Variants in TMEM263 observed in about 807,000 individuals in gnomAD.
The protein encoded by TMEM263 is transmembrane protein 263.
In TMEM263, 5 loss-of-function variants were observed where a neutral mutation model predicts 8.6. The observed-to-expected ratio is 0.58, with a 90% CI of 0.31 to 1.23. TMEM263 has a LOEUF of 1.23. Ranked by LOEUF, TMEM263 falls within the 50% of genes most tolerant of loss-of-function variation. The pLI, the probability that TMEM263 is intolerant of heterozygous loss-of-function variation, is 0.07. For synonymous variants in TMEM263, 50 were observed against 47.9 expected, an observed-to-expected ratio of 1.04 and a Z score of -0.18; for missense variants, 104 against 138.8, an observed-to-expected ratio of 0.75 and a Z score of 1.26.
chr12:106,959,170 C>T (rs1305211416), intron 2 of TMEM263: 1 of 152,162 alleles, frequency 6.6e-6, no homozygotes, highest in Non-Finnish European at 1.5e-5. Context: ...TCAGTGAGTT[C>T]AGGGCAGATA....
Position 106,971,086 on chromosome 12 carries a change from T to C in TMEM263, c.65-19T>C. ...TTGTGACTTATATTTGATTGTCTCA[T>C]GATATTTTCTCTCATTAGGTTCAAT... On this transcript the variant is annotated intron_variant, in intron 3 of 3. Coordinates refer to ENST00000280756, the MANE Select transcript of TMEM263 (RefSeq NM_152261.4). 6.2e-7 allele frequency: 1 copy of C among 1,611,666 alleles called. No individual in the cohort carries two copies. Among genetic ancestry groups the C allele is most frequent in the South Asian group, 1.1e-5 (1 of 90,820 alleles).
rs1951958595 is a variant in TMEM263 at position 106,973,629 on chromosome 12, G to A, written c.*2238G>A. On this transcript the variant is annotated 3_prime_UTR_variant, in exon 4 of 4. Transcript: ENST00000280756. ...ACAGTTAGTTATAGAGGTTCTTGTT[G>A]AAATGAACTTACCATCTGATGATAT... 1 of 152,402 alleles carries A rather than the reference G, an allele frequency of 6.6e-6. No individual in the cohort carries two copies. Among genetic ancestry groups the A allele is most frequent in the African/African-American group, 2.4e-5 (1 of 41,454 alleles). 9.4% of individuals were successfully genotyped at this position (152,402 alleles called of 1,614,324 possible).
intron 3 of TMEM263, among the ~76,000 whole-genome samples, chr12:106,968,720 T>A (rs1951877717): frequency 6.6e-6 from 1 of 152,178 alleles, no homozygotes; most frequent in African/African-American, 2.4e-5. Flanking sequence ...GCATTAATTA[T>A]TTATCTGACT....
intron 2 of TMEM263, among the ~76,000 whole-genome samples, chr12:106,958,476 C>T (rs1055401600): frequency 6.6e-6 from 1 of 152,160 alleles, no homozygotes; most frequent in African/African-American, 2.4e-5. Flanking sequence ...TATTTGCCAG[C>T]TGCTAAATCT....
intron 2 of TMEM263, among the ~76,000 whole-genome samples, chr12:106,962,932 G>A (rs1021226249): frequency 2.0e-5 from 3 of 152,186 alleles, no homozygotes; most frequent in East Asian, 1.9e-4. Flanking sequence ...CAAACCAAGC[G>A]TTTGTTCTCA....
chr12:106,969,860 T>G (rs913008745), intron 3 of TMEM263, among the ~76,000 whole-genome samples: 1 of 151,776 alleles, frequency 6.6e-6, no homozygotes, highest in Non-Finnish European at 1.5e-5. Flanking sequence ...TACATGCTAA[T>G]ATATGTGGCT....
rs1951960948 is a variant in TMEM263 at position 106,973,751 on chromosome 12, G to A, written c.*2360G>A. 6.6e-6 allele frequency: 1 copy of A among 152,600 alleles called. No individual in the cohort carries two copies. The highest frequency in any genetic ancestry group is 1.5e-5 in the Non-Finnish European group (1 of 68,022). 9.5% of individuals were successfully genotyped at this position (152,600 alleles called of 1,614,324 possible). ...GACTAGTTCAAGTCAAGAAACTAAG[G>A]TTGTTGTATACACCTGGAGGCATCT... is the stretch of plus-strand genomic sequence containing the variant. On this transcript the variant is annotated 3_prime_UTR_variant, in exon 4 of 4. Transcript: ENST00000280756.
rs570047478 is a variant in TMEM263 at position 106,971,048 on chromosome 12, C to A, written c.65-57C>A. 5.7e-6 allele frequency: 9 copies of A among 1,569,506 alleles called. No homozygotes were observed. The African/African-American group carries it at 1.1e-4, about 19-fold the overall frequency. ...TTAGGTTACTTAATGATGTGTACTG[C>A]TCTTTTAAAGACTTGTGACTTATAT... On this transcript the variant is annotated intron_variant, in intron 3 of 3. Coordinates refer to ENST00000280756, the MANE Select transcript of TMEM263 (RefSeq NM_152261.4).
At chr12:106,958,280 A>T (rs1412915725) in intron 2 of TMEM263, among the ~76,000 whole-genome samples, 1 of 152,128 alleles carries the variant, frequency 6.6e-6, no homozygotes, top group Admixed American at 6.5e-5. Context: ...CCAGAGGAAA[A>T]TTTATGTACT....
intron 3 of TMEM263, among the ~76,000 whole-genome samples, chr12:106,968,638 C>A (rs1408586619): frequency 6.6e-6 from 1 of 152,124 alleles, no homozygotes; most frequent in East Asian, 1.9e-4. Flanking sequence ...AACCACTAAA[C>A]AAGAGGAATC....
intron 1 of TMEM263, 118 bp downstream of exon 1, chr12:106,956,183 C>A: frequency 2.1e-6 from 1 of 481,762 alleles, no homozygotes; most frequent in Non-Finnish European, 2.7e-6. Flanking sequence ...GGCTGCCCAG[C>A]GGGGCCTTGG....
chr12:106,964,002 C>T (rs1465694766), intron 2 of TMEM263, among the ~76,000 whole-genome samples: 1 of 151,956 alleles, frequency 6.6e-6, no homozygotes, highest in Non-Finnish European at 1.5e-5. Flanking sequence ...GGGTATGGTA[C>T]CTTCTGTTGA....
intron 1 of TMEM263, 35 bp downstream of exon 1, chr12:106,956,100 T>G: frequency 1.0e-6 from 1 of 954,512 alleles, no homozygotes; most frequent in East Asian, 1.2e-4. Context: ...AGGGGCGCAG[T>G]CCCGGCTTCC....
At chr12:106,965,591 G>A (rs1951832823) in intron 2 of TMEM263, among the ~76,000 whole-genome samples, 4 of 146,280 alleles carry the variant, frequency 2.7e-5, no homozygotes, top group Admixed American at 2.7e-4. Flanking sequence ...GGGCGACAGA[G>A]TGAGACTCTG....
At chr12:106,961,826 A>G (rs527868652) in intron 2 of TMEM263, among the ~76,000 whole-genome samples, 1 of 152,340 alleles carries the variant, frequency 6.6e-6, no homozygotes, top group African/African-American at 2.4e-5. Flanking sequence ...GCTGTTTGTC[A>G]GGATTTCCTT....
At chr12:106,957,045 T>G (rs1192890176) in intron 1 of TMEM263, 37 bp from the exon 2 acceptor site, 1 of 972,202 alleles carries the variant, frequency 1.0e-6, no homozygotes, top group East Asian at 1.1e-4. Flanking sequence ...TGAAAATATT[T>G]GCTATATGTG....
At position 106,971,196 on chromosome 12, in the gene TMEM263, C is replaced by A; in HGVS notation, c.156C>A (p.Ala52=). 2.5e-6 allele frequency: 4 copies of A among 1,614,176 alleles called. No individual in the cohort carries two copies. The highest frequency in any genetic ancestry group is 3.4e-6 in the Non-Finnish European group (4 of 1,180,034). ...GTGTTACAAAGGGAGCTGTTGGTGC[C>A]ACCATTGGTGGTGTGGCTTGGATTG... is the stretch of plus-strand genomic sequence containing the variant. ...IFSVTKGAVG[A]TIGGVAWIGG... is the part of the protein sequence containing the mutation. Residue 52 remains alanine, a synonymous_variant, in exon 4 of 4, where the codon GCC becomes GCA. Coordinates refer to ENST00000280756, the MANE Select transcript of TMEM263 (RefSeq NM_152261.4).
At chr12:106,957,018 A>G (rs1237570650) in intron 1 of TMEM263, 64 bp from the exon 2 acceptor site, 1 of 924,174 alleles carries the variant, frequency 1.1e-6, no homozygotes, top group Non-Finnish European at 1.3e-6. Context: ...CCTTGTGAAC[A>G]CTGTGCTAAT....
intron 2 of TMEM263, among the ~76,000 whole-genome samples, chr12:106,961,471 A>C (rs1170255899): frequency 1.3e-5 from 2 of 152,076 alleles, no homozygotes; most frequent in African/African-American, 4.8e-5. Context: ...AACCAGGGAG[A>C]AATAGCAATC....
Sources: gnomAD v4.1 joint callset for allele counts (sites outside exome capture counted in the v4.1 genomes callset) on GRCh38, gnomAD v4.1.1 for gene constraint, MANE v1.5 for transcripts, NCBI Gene and HGNC (gene_info 2026-07-23, HGNC 2026-07-21) for gene names.